STAT5B: variants seen among roughly 807,000 people sequenced by gnomAD.
STAT5B encodes the protein transcription factor STAT5B.
A neutral mutation model predicts 107.8 loss-of-function variants in STAT5B; 21 were observed. The ratio of observed to expected loss-of-function variants is 0.19; its 90% confidence interval spans 0.14 to 0.28. The LOEUF (loss-of-function observed/expected upper bound fraction) is 0.28, where lower values mean the gene tolerates loss of function less well. Among genes scored for constraint, STAT5B ranks in the 10% least tolerant of loss-of-function variants. The pLI is 1.00. For missense variants in STAT5B, 565 were observed against 1,008.2 expected (o/e 0.56, Z 5.95); for synonymous variants, 325 against 401.7 (o/e 0.81, Z 2.28).
chr17:42,261,231 C>T (rs889861953), intron 1 of STAT5B, among the ~76,000 whole-genome samples: 9 of 151,714 alleles, frequency 5.9e-5, no homozygotes, highest in Non-Finnish European at 8.8e-5. Context: ...TTGAATTAAA[C>T]GAGATTATCA....
At chr17:42,227,405 CACA>C (rs1446693611) in intron 3 of STAT5B, 121 bp downstream of exon 3, 16 of 1,295,864 alleles carry the variant, frequency 1.2e-5, no homozygotes, top group East Asian at 2.5e-5. Context: ...ACCAAAACCA[CACA>C]ACAAGAACCT....
At chr17:42,241,340 C>CAAA (rs774158422) in intron 1 of STAT5B, among the ~76,000 whole-genome samples, 1 of 72,544 alleles carries the variant, frequency 1.4e-5, no homozygotes, top group East Asian at 4.0e-4. Flanking sequence ...AACTCCATCT[C>CAAA]AAAAAAAAAA....
At chr17:42,284,759 T>G in the STAT5B span, among the ~76,000 whole-genome samples, 9 of 152,200 alleles carry the variant, frequency 5.9e-5, no homozygotes, top group African/African-American at 1.7e-4. Context: ...TGTGCTGGGC[T>G]TGGGGAAGCT....
At chr17:42,207,869 TAGATGAAATAC>T in intron 15 of STAT5B, 141 bp from the exon 16 acceptor site, 2 of 835,768 alleles carry the variant, frequency 2.4e-6, no homozygotes, top group Non-Finnish European at 3.8e-6. Context: ...CCATGGGTTA[TAGATGAAATAC>T]TTTTATTTAT....
upstream of STAT5B, among the ~76,000 whole-genome samples, chr17:42,276,924 C>G (rs974670289): frequency 4.7e-4 from 71 of 152,222 alleles, no homozygotes; most frequent in Non-Finnish European, 1.2e-4. The surrounding 1 kb of genome is among the most constrained non-coding windows in gnomAD (Gnocchi z 4.8). Flanking sequence ...CTCCTGCCGC[C>G]TGCATGGGCA....
At chr17:42,232,221 CA>C in intron 1 of STAT5B, 84 bp from the exon 2 acceptor site, 1 of 1,406,562 alleles carries the variant, frequency 7.1e-7, no homozygotes, top group Non-Finnish European at 9.5e-7. Context: ...ACTTAGTTAC[CA>C]AGGTAAATGT....
In STAT5B at chr17:42,218,796, G is replaced by C; in HGVS notation, c.916C>G (p.Pro306Ala). The part of the protein sequence containing the change: ...AEHLCQQLPI[P>A]GPVEEMLAEV... ...GCCAGCATCTCCTCCACTGGGCCGGGGATGGGCAGCTGCTGGCAGAGGTGC... is the reference window on the plus strand; with the variant it reads ...GCCAGCATCTCCTCCACTGGGCCGGCGATGGGCAGCTGCTGGCAGAGGTGC... Residue 306 changes from proline to alanine, a missense_variant, in exon 8 of 19, where the codon CCC (proline) becomes GCC (alanine). Transcript: ENST00000293328. 3 of 1,613,064 alleles carry C rather than the reference G, an allele frequency of 1.9e-6. No individual in the cohort carries two copies. Among genetic ancestry groups the C allele is most frequent in the Non-Finnish European group, 2.5e-6 (3 of 1,179,542 alleles).
At chr17:42,268,932 G>T (rs895576772) in intron 1 of STAT5B, among the ~76,000 whole-genome samples, 5 of 152,156 alleles carry the variant, frequency 3.3e-5, no homozygotes, top group African/African-American at 1.2e-4. Context: ...TACTTTAAGA[G>T]ATCAAGTGTT....
chr17:42,281,158 C>CAAAAACA (rs1555555757), upstream of STAT5B, among the ~76,000 whole-genome samples: 6 of 149,868 alleles, frequency 4.0e-5, no homozygotes, highest in African/African-American at 1.5e-4. Flanking sequence ...AAAACAAAAA[C>CAAAAACA]AAAAAAAAAC....
Position 42,223,237 on chromosome 17 carries a change from C to T in STAT5B, c.550+145G>A. ...CTAAATCTCATCCTCTCAGCACTGTCTTCAATGCAAATAAGTCCCTGCTAC... is the reference window on the plus strand; with the variant it reads ...CTAAATCTCATCCTCTCAGCACTGTTTTCAATGCAAATAAGTCCCTGCTAC... On this transcript the variant is annotated intron_variant, in intron 5 of 18. Transcript: ENST00000293328. 3.2e-6 allele frequency: 4 copies of T among 1,243,658 alleles called. No individual in the cohort carries two copies. The South Asian group carries it at 5.2e-5, about 16-fold the overall frequency. 77.0% of individuals were successfully genotyped at this position (1,243,658 alleles called of 1,614,324 possible).
At chr17:42,282,501 T>C in the STAT5B span, among the ~76,000 whole-genome samples, 1 of 152,162 alleles carries the variant, frequency 6.6e-6, no homozygotes, top group African/African-American at 2.4e-5. Context: ...TTTTTTTATT[T>C]TTAATAGAGA....
chr17:42,211,744 T>A (rs930439168), intron 13 of STAT5B, among the ~76,000 whole-genome samples: 2 of 152,168 alleles, frequency 1.3e-5, no homozygotes, highest in African/African-American at 4.8e-5. Flanking sequence ...CTATTTCCTT[T>A]ACAAAGGAAG....
rs543031788 is a variant in STAT5B at position 42,271,623 on chromosome 17, T to C, written c.-11+4625A>G. On this transcript the variant is annotated intron_variant, in intron 1 of 18. Transcript: ENST00000293328. The stretch of plus-strand genomic sequence containing the variant: ...GTACCAAAGGTAATAGAAGGATACA[T>C]GAAGAGTGAATGTTGCAGTAGATTT... 4 of 152,264 alleles carry C rather than the reference T, an allele frequency of 2.6e-5. No homozygotes were observed. The East Asian group carries it at 7.7e-4, about 29-fold the overall frequency. 9.4% of individuals were successfully genotyped at this position (152,264 alleles called of 1,614,324 possible).
At chr17:42,242,070 C>T (rs762790356) in intron 1 of STAT5B, among the ~76,000 whole-genome samples, 1 of 151,906 alleles carries the variant, frequency 6.6e-6, no homozygotes, top group Non-Finnish European at 1.5e-5. Context: ...GAAGACAATC[C>T]GCCATTAATC....
chr17:42,280,345 T>C (rs1425702224), upstream of STAT5B, among the ~76,000 whole-genome samples: 2 of 151,994 alleles, frequency 1.3e-5, no homozygotes, highest in Non-Finnish European at 2.9e-5. Context: ...CTCTCTCTCA[T>C]AGATGAACAC....
chr17:42,215,247 C>A (rs1017550208), intron 12 of STAT5B, among the ~76,000 whole-genome samples: 10 of 152,136 alleles, frequency 6.6e-5, no homozygotes, highest in African/African-American at 2.2e-4. Flanking sequence ...TATGAAGCAA[C>A]TTCTATGCTA....
chr17:42,269,725 CT>C (rs2080706017), intron 1 of STAT5B: 1 of 152,072 alleles, frequency 6.6e-6, no homozygotes, highest in Admixed American at 6.6e-5. Context: ...GTGACTTGAT[CT>C]CCCAAAGTTA....
the STAT5B span, among the ~76,000 whole-genome samples, chr17:42,286,546 G>T: frequency 6.6e-6 from 1 of 152,180 alleles, no homozygotes; most frequent in African/African-American, 2.4e-5. Context: ...GGAGCAACAG[G>T]CCTCTGCAGG....
At chr17:42,257,380 AGG>A (rs960020994) in intron 1 of STAT5B, among the ~76,000 whole-genome samples, 48 of 65,466 alleles carry the variant, frequency 7.3e-4, no homozygotes, top group Non-Finnish European at 1.1e-3. Context: ...AACATCAAAC[AGG>A]GGGATTACTG....
Sources: gnomAD v4.1 joint callset for allele counts (sites outside exome capture counted in the v4.1 genomes callset) on GRCh38, gnomAD v4.1.1 for gene constraint, Gnocchi (gnomAD v3.1) non-coding constraint, MANE v1.5 for transcripts, NCBI Gene and HGNC (gene_info 2026-07-23, HGNC 2026-07-21) for gene names.